The following ESR1 variants were observed in gnomAD, a reference collection of about 807,000 sequenced individuals.
ESR1 encodes the protein estrogen receptor.
Under a neutral mutation model 52.7 loss-of-function variants are expected in ESR1, and 12 were observed. The ratio of observed to expected loss-of-function variants is 0.23; its 90% confidence interval spans 0.15 to 0.37. The LOEUF (loss-of-function observed/expected upper bound fraction) is 0.37. Among genes scored for constraint, ESR1 ranks in the 10% least tolerant of loss-of-function variants. The probability of loss-of-function intolerance (pLI) is 1.00; values close to 1 mark genes in which losing one functional copy is unlikely to be tolerated. For missense variants in ESR1, 584 were observed against 779.7 expected, an observed-to-expected ratio of 0.75 and a Z score of 2.99; for synonymous variants, 305 against 316.8, an observed-to-expected ratio of 0.96 and a Z score of 0.39.
intron 2 of ESR1, among the ~76,000 whole-genome samples, chr6:151,729,746 T>A (rs191063531): frequency 1.1e-3 from 168 of 152,198 alleles, no homozygotes; most frequent in South Asian, 3.9e-3. Context: ...GGTTATAGAA[T>A]TATCAGCAAC....
At chr6:151,949,908 A>G (rs756306231) in intron 4 of ESR1, among the ~76,000 whole-genome samples, 18 of 152,192 alleles carry the variant, frequency 1.2e-4, no homozygotes, top group Non-Finnish European at 2.5e-4. Context: ...GTTCTGTGTC[A>G]GTGAGTGATA....
At chr6:151,790,750 C>T (rs563326513) in intron 2 of ESR1, among the ~76,000 whole-genome samples, 69 of 152,128 alleles carry the variant, frequency 4.5e-4, no homozygotes, top group African/African-American at 1.6e-3. Context: ...GCTTTTTTAA[C>T]CCTTGCCCAG....
At chr6:151,755,517 G>A (rs939428405) in intron 2 of ESR1, among the ~76,000 whole-genome samples, 4 of 152,174 alleles carry the variant, frequency 2.6e-5, no homozygotes, top group Non-Finnish European at 2.9e-5. Context: ...GAGTGTTGGA[G>A]CCGCCGCAGA....
chr6:151,708,567 A>G (rs1431816600), intron 2 of ESR1, among the ~76,000 whole-genome samples: 2 of 152,094 alleles, frequency 1.3e-5, no homozygotes, highest in Non-Finnish European at 2.9e-5. Flanking sequence ...CATTTTCCTC[A>G]CTAGTACTCC....
chr6:151,730,721 A>T (rs915886798), intron 2 of ESR1, among the ~76,000 whole-genome samples: 1 of 152,204 alleles, frequency 6.6e-6, no homozygotes, highest in Admixed American at 6.5e-5. Flanking sequence ...ATCACTAGGA[A>T]CTAGACTGCT....
At chr6:152,020,927 C>T (rs2043590193) in intron 5 of ESR1, among the ~76,000 whole-genome samples, 1 of 152,082 alleles carries the variant, frequency 6.6e-6, no homozygotes, top group African/African-American at 2.4e-5. Flanking sequence ...TGATTTCTCC[C>T]TGTGGACTCC....
At chr6:152,090,196 G>A (rs751245926) in intron 6 of ESR1, among the ~76,000 whole-genome samples, 11 of 152,192 alleles carry the variant, frequency 7.2e-5, no homozygotes, top group Non-Finnish European at 1.2e-4. Context: ...CAGGGCACCC[G>A]AAAGGCTGAT....
chr6:151,924,328 A>G (rs2032288970), intron 3 of ESR1, among the ~76,000 whole-genome samples: 1 of 152,230 alleles, frequency 6.6e-6, no homozygotes. Flanking sequence ...GACATAAGCC[A>G]CGGCGTCCGG....
At chr6:151,998,899 G>T (rs2128737455) in intron 4 of ESR1, among the ~76,000 whole-genome samples, 1 of 152,152 alleles carries the variant, frequency 6.6e-6, no homozygotes, top group South Asian at 2.1e-4. Context: ...CCTAAATTTG[G>T]ACTTTTATTG....
chr6:151,904,348 G>A (rs528346402), intron 3 of ESR1, among the ~76,000 whole-genome samples: 1 of 152,174 alleles, frequency 6.6e-6, no homozygotes, highest in Non-Finnish European at 1.5e-5. Flanking sequence ...TCATAAGTAA[G>A]ATGAATAATT....
intron 4 of ESR1, among the ~76,000 whole-genome samples, chr6:151,959,965 A>T (rs781282129): frequency 6.5e-4 from 99 of 152,344 alleles, no homozygotes; most frequent in South Asian, 8.3e-4. Context: ...TTATAAATCC[A>T]TGGAGCCAAT....
At chr6:151,941,420 T>C (rs1163245804) in intron 3 of ESR1, among the ~76,000 whole-genome samples, 1 of 152,166 alleles carries the variant, frequency 6.6e-6, no homozygotes, top group African/African-American at 2.4e-5. Context: ...AGTAGGGAAA[T>C]ACAAGTCAGA....
At chr6:151,934,372 G>T (rs951363128) in intron 3 of ESR1, among the ~76,000 whole-genome samples, 1 of 152,182 alleles carries the variant, frequency 6.6e-6, no homozygotes, top group Non-Finnish European at 1.5e-5. Flanking sequence ...ATGACGTTGT[G>T]AGGATAGGGA....
chr6:152,059,961 AT>A (rs2047416354), intron 5 of ESR1, among the ~76,000 whole-genome samples: 1 of 152,204 alleles, frequency 6.6e-6, no homozygotes, highest in Admixed American at 6.5e-5. Context: ...TTTAGTGTTC[AT>A]ATTTTAATTG....
In ESR1 at chr6:151,952,144, GAC is replaced by G; in HGVS notation, c.1096+7638_1096+7639del. Among the ~76,000 whole-genome samples the G allele has an allele frequency of 2.6e-5, 4 of 152,308 alleles. No homozygotes were observed. The South Asian group carries it at 8.3e-4, about 32-fold the overall frequency. ...TCAGGTGGACATGAATATTAGGAGA[GAC>G]AGCACTTCAATTAACAGTTTGGCAT... is the stretch of plus-strand genomic sequence containing the variant. On this transcript the variant is annotated intron_variant, in intron 4 of 7. Coordinates refer to ENST00000206249, the MANE Select transcript of ESR1 (RefSeq NM_000125.4).
At chr6:151,960,467 C>T (rs1042877452) in intron 4 of ESR1, among the ~76,000 whole-genome samples, 4 of 152,044 alleles carry the variant, frequency 2.6e-5, no homozygotes, top group African/African-American at 9.7e-5. Context: ...AGAAAGTTAG[C>T]CATGTGGAGG....
chr6:152,010,849 TC>T (rs1372220594), intron 4 of ESR1, among the ~76,000 whole-genome samples: 1 of 151,940 alleles, frequency 6.6e-6, no homozygotes, highest in African/African-American at 2.4e-5. Flanking sequence ...TAGTAAGGGC[TC>T]AACAAACCTT....
intron 1 of ESR1, among the ~76,000 whole-genome samples, chr6:151,836,590 A>G (rs928563120): frequency 2.0e-5 from 3 of 152,220 alleles, no homozygotes; most frequent in Non-Finnish European, 4.4e-5. Context: ...GACCTACTGT[A>G]TATGGTTAAA....
chr6:151,919,184 C>T (rs193273947), intron 3 of ESR1, among the ~76,000 whole-genome samples: 1 of 152,288 alleles, frequency 6.6e-6, no homozygotes, highest in Non-Finnish European at 1.5e-5. Flanking sequence ...AAGACAGATG[C>T]AGTCCCTGCT....
Sources: gnomAD v4.1 joint callset for allele counts (sites outside exome capture counted in the v4.1 genomes callset) on GRCh38, gnomAD v4.1.1 for gene constraint, MANE v1.5 for transcripts, NCBI Gene and HGNC (gene_info 2026-07-23, HGNC 2026-07-21) for gene names.